The following PTPRD variants were observed in gnomAD, a reference collection of about 807,000 sequenced individuals.
PTPRD encodes the protein receptor-type tyrosine-protein phosphatase delta.
PTPRD carries 34 observed loss-of-function variants against 214.5 expected under a neutral mutation model. That is an observed-to-expected ratio of 0.16 (90% CI 0.12 to 0.21). PTPRD has a LOEUF of 0.21. PTPRD is among the 10% of genes least tolerant of loss of function. PTPRD has a pLI of 1.00. For synonymous variants in PTPRD, 1,128 were observed against 845.7 expected, an observed-to-expected ratio of 1.33 and a Z score of -5.79; for missense variants, 2,545 against 2,398.7, an observed-to-expected ratio of 1.06 and a Z score of -1.27.
In PTPRD at chr9:10,090,706, G is replaced by C. The variant is rs1016190513; in HGVS notation, c.-544-56916C>G. Among the ~76,000 whole-genome samples the C allele has an allele frequency of 4.1e-5, 6 of 145,326 alleles. No homozygotes were observed. The Admixed American group carries it at 4.3e-4, about 10-fold the overall frequency. ...TAATGTAGAAAGCAGGATTTATCATGCTACATTTAGTTGAATCTAGTATGC... is the reference window on the plus strand; with the variant it reads ...TAATGTAGAAAGCAGGATTTATCATCCTACATTTAGTTGAATCTAGTATGC... On this transcript the variant is annotated intron_variant, in intron 3 of 45. Transcript: ENST00000381196.
At chr9:9,723,413 A>G (rs1342294842) in intron 7 of PTPRD, among the ~76,000 whole-genome samples, 1 of 152,072 alleles carries the variant, frequency 6.6e-6, no homozygotes, top group Non-Finnish European at 1.5e-5. Context: ...TAACAATGCC[A>G]TACTTCATTG....
At chr9:8,776,621 A>AATG (rs2095487533) in intron 11 of PTPRD, among the ~76,000 whole-genome samples, 2 of 151,996 alleles carry the variant, frequency 1.3e-5, no homozygotes, top group African/African-American at 4.8e-5. Context: ...AAATGAAAGC[A>AATG]ATGATGGGGG....
intron 3 of PTPRD, among the ~76,000 whole-genome samples, chr9:10,111,728 T>G (rs1272034666): frequency 1.3e-5 from 2 of 152,160 alleles, no homozygotes; most frequent in Non-Finnish European, 2.9e-5. Flanking sequence ...TATCATGGAT[T>G]TTATAATCAG....
At chr9:9,781,759 C>G (rs769876510) in intron 5 of PTPRD, among the ~76,000 whole-genome samples, 2 of 151,530 alleles carry the variant, frequency 1.3e-5, no homozygotes, top group African/African-American at 4.9e-5. Flanking sequence ...CCATCTCCCT[C>G]TATTATCTTT....
chr9:10,063,847 C>A (rs1282759348), intron 3 of PTPRD, among the ~76,000 whole-genome samples: 1 of 151,884 alleles, frequency 6.6e-6, no homozygotes, highest in Non-Finnish European at 1.5e-5. Flanking sequence ...AAACAAAAAA[C>A]AAAAACAACA....
chr9:10,473,838 AAAGT>A (rs1183756069), intron 2 of PTPRD, among the ~76,000 whole-genome samples: 1 of 152,072 alleles, frequency 6.6e-6, no homozygotes, highest in East Asian at 1.9e-4. Flanking sequence ...TTGTTTTTAT[AAAGT>A]AAGTGTCAAA....
chr9:10,560,761 G>T (rs2063754962), intron 2 of PTPRD, among the ~76,000 whole-genome samples: 1 of 152,064 alleles, frequency 6.6e-6, no homozygotes, highest in Non-Finnish European at 1.5e-5. Context: ...AATGAAGTAT[G>T]AACCAATTAA....
intron 10 of PTPRD, among the ~76,000 whole-genome samples, chr9:9,182,051 TG>T (rs1378885725): frequency 2.6e-5 from 4 of 152,054 alleles, no homozygotes; most frequent in Non-Finnish European, 5.9e-5. Context: ...TCAATTTGAC[TG>T]GGGGTATCCA....
chr9:8,758,904 C>G (rs1321646122), intron 11 of PTPRD, among the ~76,000 whole-genome samples: 1 of 152,130 alleles, frequency 6.6e-6, no homozygotes, highest in South Asian at 2.1e-4. Context: ...CCAGGATGGT[C>G]TCGATCTCCT....
intron 3 of PTPRD, among the ~76,000 whole-genome samples, chr9:10,277,235 A>C (rs13302109): frequency 0.033 from 2,941 of 89,608 alleles, 57 homozygotes; most frequent in Middle Eastern, 0.068. Context: ...CATAAACATA[A>C]AACATAAACA....
chr9:9,361,244 C>G (rs1319063003), intron 9 of PTPRD, among the ~76,000 whole-genome samples: 1 of 151,066 alleles, frequency 6.6e-6, no homozygotes, highest in Non-Finnish European at 1.5e-5. Context: ...TGAAAATGCC[C>G]AGGCTTTTCT....
chr9:9,685,180 G>A (rs887839697), intron 7 of PTPRD, among the ~76,000 whole-genome samples: 4 of 151,176 alleles, frequency 2.6e-5, no homozygotes, highest in Admixed American at 2.6e-4. Context: ...GATAAAATGT[G>A]AAAAATAAAA....
intron 11 of PTPRD, among the ~76,000 whole-genome samples, chr9:8,750,238 A>G (rs2093377577): frequency 6.6e-6 from 1 of 150,730 alleles, no homozygotes; most frequent in Admixed American, 6.6e-5. Context: ...GCTCACTGCA[A>G]CCTCTGTCTC....
chr9:9,269,788 A>C (rs1942016040), intron 9 of PTPRD, among the ~76,000 whole-genome samples: 1 of 151,268 alleles, frequency 6.6e-6, no homozygotes, highest in Non-Finnish European at 1.5e-5. Context: ...TTCCACTTAT[A>C]CATGCAATCT....
intron 5 of PTPRD, among the ~76,000 whole-genome samples, chr9:9,887,602 C>G (rs1027675239): frequency 6.6e-6 from 1 of 152,136 alleles, no homozygotes; most frequent in East Asian, 1.9e-4. Context: ...GTGAGAACAT[C>G]AGTGTACCAT....
intron 5 of PTPRD, among the ~76,000 whole-genome samples, chr9:9,885,113 T>C (rs1050339037): frequency 2.6e-5 from 4 of 152,034 alleles, no homozygotes; most frequent in Non-Finnish European, 5.9e-5. Context: ...AATTCAATGA[T>C]AGAGCTAAGT....
In PTPRD at chr9:8,926,848, C is replaced by T. The variant is rs116245378; in HGVS notation, c.-104+91849G>A. The stretch of plus-strand genomic sequence containing the variant: ...TGAAATTCAACTTGTAAAGACTATT[C>T]AAATCTTCCCTTTCTTATATTTAAA... On this transcript the variant is annotated intron_variant, in intron 11 of 45. Transcript: ENST00000381196. 3.3e-3 allele frequency among the ~76,000 whole-genome samples: 502 copies of T among 152,304 alleles called. 3 individuals are homozygous for T. The highest frequency in any genetic ancestry group is 0.01 in the African/African-American group (433 of 41,556).
At chr9:9,121,454 G>GTA (rs144589644) in intron 10 of PTPRD, among the ~76,000 whole-genome samples, 166 of 150,584 alleles carry the variant, frequency 1.1e-3, no homozygotes, top group African/African-American at 2.4e-3. Flanking sequence ...AGAAACTTTG[G>GTA]TATATATATA....
intron 4 of PTPRD, among the ~76,000 whole-genome samples, chr9:10,032,943 G>C (rs1267641662): frequency 2.0e-5 from 3 of 151,880 alleles, no homozygotes; most frequent in Admixed American, 6.6e-5. Flanking sequence ...TTTAACTGAT[G>C]AAGTATTCCA....
Sources: allele counts gnomAD v4.1 joint callset (sites outside exome capture counted in the v4.1 genomes callset), GRCh38; gene constraint gnomAD v4.1.1; transcripts MANE v1.5; gene names NCBI Gene and HGNC (gene_info 2026-07-23, HGNC 2026-07-21).